The following IMPG1 variants were observed in gnomAD, a reference collection of about 807,000 sequenced individuals.
The protein encoded by IMPG1 is interphotoreceptor matrix proteoglycan of 150 kDa.
In IMPG1, 85 loss-of-function variants were observed where a neutral mutation model predicts 92.0. The ratio of observed to expected loss-of-function variants is 0.92; its 90% CI spans 0.78 to 1.11. The LOEUF is 1.11. Among genes scored for constraint, IMPG1 ranks in the 50% least tolerant of loss-of-function variants. IMPG1 has a pLI of 0.00. For synonymous variants in IMPG1, 367 were observed against 334.1 expected (o/e 1.10, Z -1.08); for missense variants, 1,022 against 956.0 (o/e 1.07, Z -0.91).
chr6:76,057,612 A>G (rs540085429), intron 1 of IMPG1, among the ~76,000 whole-genome samples: 1 of 152,244 alleles, frequency 6.6e-6, no homozygotes, highest in African/African-American at 2.4e-5. Flanking sequence ...GAGGGGTAAA[A>G]TTCCCTCTTA....
Position 75,931,939 on chromosome 6 carries a change from G to A in IMPG1, c.2045-788C>T, listed in dbSNP as rs548293434. ...TAGAGCTGAGCACATTGAGCTCTCA[G>A]TAGAGAAGCAACTGACCGGAGTCCT... On this transcript the variant is annotated intron_variant, in intron 14 of 16. Coordinates refer to ENST00000369950, the MANE Select transcript of IMPG1 (RefSeq NM_001563.4). Among the ~76,000 whole-genome samples the A allele has an allele frequency of 2.6e-5, 4 of 152,328 alleles. No homozygotes were observed. The South Asian group carries it at 6.2e-4, about 24-fold the overall frequency.
At chr6:75,941,553 A>G (rs971174921) in intron 14 of IMPG1, among the ~76,000 whole-genome samples, 3 of 152,250 alleles carry the variant, frequency 2.0e-5, no homozygotes, top group African/African-American at 4.8e-5. Flanking sequence ...TTCAATGCCT[A>G]AAATATTTAC....
rs1428746548 is a variant in IMPG1, at chr6:75,925,846, A to AGTAGAGACAGGGTTTCACCAT, written c.2244-2161_2244-2141dup. 3.9e-5 allele frequency among the ~76,000 whole-genome samples: 6 copies of AGTAGAGACAGGGTTTCACCAT among 152,122 alleles called. No homozygotes were observed. In the East Asian group the frequency reaches 1.2e-3, roughly 29 times the overall value. Reference sequence around the variant, plus strand: ...ACGCCCAGTTAATTTTTGTATTTTTAGTAGAGACAGGGTTTCACCATGTTG... The same window carrying AGTAGAGACAGGGTTTCACCAT: ...ACGCCCAGTTAATTTTTGTATTTTTAGTAGAGACAGGGTTTCACCATGTAGAGACAGGGTTTCACCATGTTG... On this transcript the variant is annotated intron_variant, in intron 15 of 16. Coordinates refer to ENST00000369950, the MANE Select transcript of IMPG1 (RefSeq NM_001563.4).
Position 76,034,245 on chromosome 6 carries a change from G to A in IMPG1, c.497+70C>T, listed in dbSNP as rs1783696994. ...AAAATCCTACAGGTAGAATAGCTTA[G>A]TTTCACTCCATTATATGATCTTTTT... On this transcript the variant is annotated intron_variant, in intron 4 of 16. Transcript: ENST00000369950. 3.5e-6 allele frequency: 5 copies of A among 1,440,042 alleles called. No individual in the cohort carries two copies. In the South Asian group the frequency reaches 5.9e-5, roughly 17 times the overall value. 89.2% of individuals were successfully genotyped at this position (1,440,042 alleles called of 1,614,324 possible). A position where few individuals can be genotyped will look rare whatever the true frequency, so the allele number is the denominator to read the frequency against.
intron 12 of IMPG1, among the ~76,000 whole-genome samples, chr6:75,985,852 A>G (rs1782708376): frequency 6.6e-6 from 1 of 152,196 alleles, no homozygotes; most frequent in Non-Finnish European, 1.5e-5. Flanking sequence ...AACCAAAAAG[A>G]AAAAGTTAAT....
chr6:76,061,923 A>C (rs555829546), intron 1 of IMPG1, among the ~76,000 whole-genome samples: 1 of 152,308 alleles, frequency 6.6e-6, no homozygotes, highest in South Asian at 2.1e-4. Context: ...ATTTTATTTA[A>C]TGAATATTTT....
At chr6:75,930,615 T>C (rs1213068222) in intron 15 of IMPG1, among the ~76,000 whole-genome samples, 1 of 152,182 alleles carries the variant, frequency 6.6e-6, no homozygotes, top group Non-Finnish European at 1.5e-5. Context: ...GTAGACCAAG[T>C]ATTCAGTCTT....
At chr6:75,976,909 TA>T (rs35200516) in intron 12 of IMPG1, among the ~76,000 whole-genome samples, 57,074 of 138,468 alleles carry the variant, frequency 0.41, 11,890 homozygotes, top group East Asian at 0.62. Context: ...GATTCCGTCT[TA>T]AAAAAAAAAA....
At chr6:76,038,223 C>T (rs1783775587) in intron 2 of IMPG1, among the ~76,000 whole-genome samples, 1 of 152,116 alleles carries the variant, frequency 6.6e-6, no homozygotes, top group Non-Finnish European at 1.5e-5. Flanking sequence ...TGCTCCTTTC[C>T]CTGATGTTCT....
intron 12 of IMPG1, 107 bp downstream of exon 12, chr6:76,002,811 T>C: frequency 1.2e-6 from 1 of 834,518 alleles, no homozygotes; most frequent in South Asian, 1.5e-5. Flanking sequence ...GTGAACCTTT[T>C]CCTGGGTTCG....
chr6:76,055,189 T>C (rs958354429), intron 1 of IMPG1, among the ~76,000 whole-genome samples: 2 of 151,988 alleles, frequency 1.3e-5, no homozygotes, highest in Non-Finnish European at 1.5e-5. Flanking sequence ...TCTGAATACA[T>C]TGAAAAGGAC....
chr6:75,953,384 A>G (rs1356227105), intron 12 of IMPG1, among the ~76,000 whole-genome samples: 1 of 151,878 alleles, frequency 6.6e-6, no homozygotes, highest in Non-Finnish European at 1.5e-5. Context: ...CATCATCTAT[A>G]TTAGCTATTT....
chr6:75,926,925 G>A (rs1781563512), intron 15 of IMPG1, among the ~76,000 whole-genome samples: 1 of 152,208 alleles, frequency 6.6e-6, no homozygotes, highest in Non-Finnish European at 1.5e-5. Context: ...TGCTCTTTGT[G>A]TGTCAATGGT....
intron 14 of IMPG1, among the ~76,000 whole-genome samples, chr6:75,941,924 TA>T (rs1292130395): frequency 2.6e-5 from 4 of 152,092 alleles, no homozygotes; most frequent in African/African-American, 7.2e-5. Context: ...TGATAAGGGT[TA>T]GGGGAGGCAG....
At chr6:75,966,109 A>G (rs1782305057) in intron 12 of IMPG1, among the ~76,000 whole-genome samples, 1 of 152,112 alleles carries the variant, frequency 6.6e-6, no homozygotes, top group Non-Finnish European at 1.5e-5. Flanking sequence ...TAGTTAGTCC[A>G]TCTTCTTCTC....
intron 15 of IMPG1, among the ~76,000 whole-genome samples, chr6:75,924,503 TAATATAATTAATATA>T (rs1307151198): frequency 2.0e-4 from 18 of 89,380 alleles, no homozygotes; most frequent in Admixed American, 3.9e-4. Context: ...TATAATTATA[TAATATAATTAATATA>T]ATTATATATT....
chr6:76,004,638 C>A (rs1783059203), intron 10 of IMPG1, among the ~76,000 whole-genome samples: 1 of 152,098 alleles, frequency 6.6e-6, no homozygotes, highest in Admixed American at 6.5e-5. Flanking sequence ...TCTGAGGATC[C>A]TAAGTGTGCC....
chr6:75,964,129 C>T (rs914102860), intron 12 of IMPG1, among the ~76,000 whole-genome samples: 1 of 152,102 alleles, frequency 6.6e-6, no homozygotes, highest in Admixed American at 6.5e-5. Flanking sequence ...ATGCATGCTC[C>T]GTAAGGACCT....
At position 76,017,855 on chromosome 6, in the gene IMPG1, C is replaced by T. The variant is rs200120053; in HGVS notation, c.807+863G>A. 5.9e-5 allele frequency among the ~76,000 whole-genome samples: 9 copies of T among 152,312 alleles called. No homozygotes were observed. The East Asian group carries it at 7.7e-4, about 13-fold the overall frequency. Reference sequence around the variant, plus strand: ...GCCACCTCTGCCCCCCGGGTTCAAGCGGTTCTCCTGCCTCAGCCTCCCGAG... The same window carrying T: ...GCCACCTCTGCCCCCCGGGTTCAAGTGGTTCTCCTGCCTCAGCCTCCCGAG... On this transcript the variant is annotated intron_variant, in intron 7 of 16. Transcript: ENST00000369950.
Sources: allele counts gnomAD v4.1 joint callset (sites outside exome capture counted in the v4.1 genomes callset), GRCh38; gene constraint gnomAD v4.1.1; transcripts MANE v1.5; gene names NCBI Gene and HGNC (gene_info 2026-07-23, HGNC 2026-07-21).